Variants in SOX6 observed in about 807,000 individuals in gnomAD.
SOX6 encodes the protein transcription factor SOX-6.
SOX6 carries 11 observed loss-of-function variants against 97.8 expected under a neutral mutation model. The ratio of observed to expected loss-of-function variants is 0.11; its 90% CI spans 0.07 to 0.19. SOX6 has a LOEUF of 0.19. Ranked by LOEUF, SOX6 falls within the 10% of genes least tolerant of loss-of-function variation. SOX6 has a pLI of 1.00. For missense variants in SOX6, 810 were observed against 1,039.5 expected (o/e 0.78, Z 3.04); for synonymous variants, 360 against 371.4 (o/e 0.97, Z 0.35).
At chr11:16,498,176 G>A (rs1025980866) in intron 4 of SOX6, among the ~76,000 whole-genome samples, 4 of 152,188 alleles carry the variant, frequency 2.6e-5, no homozygotes, top group African/African-American at 9.7e-5. Flanking sequence ...CATTCTTGAA[G>A]AAAAGAATTT....
intron 3 of SOX6, among the ~76,000 whole-genome samples, chr11:16,665,726 C>T (rs148845900): frequency 7.6e-4 from 116 of 152,298 alleles, no homozygotes; most frequent in Non-Finnish European, 1.5e-3. Flanking sequence ...TTGCTGCAGG[C>T]CTTGGACAAG....
intron 3 of SOX6, among the ~76,000 whole-genome samples, chr11:16,245,493 A>G (rs1853310321): frequency 6.6e-6 from 1 of 151,696 alleles, no homozygotes; most frequent in African/African-American, 2.4e-5. Context: ...TTTTCTGTCT[A>G]CTTGTTTTAT....
chr11:16,234,059 A>G (rs1852942265), intron 4 of SOX6, among the ~76,000 whole-genome samples: 2 of 151,754 alleles, frequency 1.3e-5, no homozygotes, highest in Non-Finnish European at 2.9e-5. Flanking sequence ...AGAAAACTTC[A>G]GTGGCTTGTC....
rs533468515 is a variant in SOX6 at position 16,621,177 on chromosome 11, T to C, written n.430-8917A>G. Among the ~76,000 whole-genome samples, 4 of 152,316 alleles carry C rather than the reference T, an allele frequency of 2.6e-5. No individual in the cohort carries two copies. The South Asian group carries it at 8.3e-4, about 32-fold the overall frequency. On this transcript the variant is annotated intron_variant and non_coding_transcript_variant, in intron 3 of 5. Coordinates refer to the SOX6 transcript ENST00000524520. Reference sequence around the variant, plus strand: ...TATTTCACAAGCAAAGTTATACATATAACAGTTAACACTTACAGTTACACA... The same window carrying C: ...TATTTCACAAGCAAAGTTATACATACAACAGTTAACACTTACAGTTACACA...
chr11:16,715,122 C>T (rs11024022), intron 2 of SOX6, among the ~76,000 whole-genome samples: 131 of 152,278 alleles, frequency 8.6e-4, no homozygotes, highest in African/African-American at 2.6e-3. Context: ...CACTGTCCAA[C>T]GGGATAGCCA....
At chr11:16,397,897 C>T (rs1221418174) in intron 1 of SOX6, among the ~76,000 whole-genome samples, 1 of 151,530 alleles carries the variant, frequency 6.6e-6, no homozygotes, top group Non-Finnish European at 1.5e-5. Flanking sequence ...TTCTTATATG[C>T]AGATAAACAA....
intron 8 of SOX6, 122 bp from the exon 9 acceptor site, chr11:16,096,240 T>C (rs1848791837): frequency 6.6e-6 from 8 of 1,213,652 alleles, no homozygotes; most frequent in Non-Finnish European, 9.3e-6. Context: ...AAGTAGAAAG[T>C]TTAAGACTCA....
In SOX6 at chr11:15,972,602, A is replaced by G. The variant is rs1030496851; in HGVS notation, c.*207T>C. 4 of 603,612 alleles carry G rather than the reference A, an allele frequency of 6.6e-6. No homozygotes were observed. The African/African-American group carries it at 7.4e-5, about 11-fold the overall frequency. The allele number at this position is 603,612 out of a possible 1,614,324, so 37.4% of individuals were successfully genotyped here. A position where few individuals can be genotyped will look rare whatever the true frequency, so the allele number is the denominator to read the frequency against. On this transcript the variant is annotated 3_prime_UTR_variant, in exon 16 of 16. Transcript: ENST00000683767. ...TGTCTTCACCTAAATTAAAAAAACA[A>G]CAACAACAACAATAACAATAACAAC...
intron 4 of SOX6, among the ~76,000 whole-genome samples, chr11:16,515,009 G>A (rs1440624090): frequency 6.6e-6 from 1 of 151,632 alleles, no homozygotes. Context: ...ATAAACATAC[G>A]TGTGCATGTG....
At chr11:16,352,487 A>C (rs937436291) in intron 1 of SOX6, among the ~76,000 whole-genome samples, 5 of 152,138 alleles carry the variant, frequency 3.3e-5, no homozygotes, top group African/African-American at 1.2e-4. Flanking sequence ...GCCAAGGCAC[A>C]AAACTGTTTA....
At chr11:16,257,443 C>A (rs894783316) in intron 3 of SOX6, among the ~76,000 whole-genome samples, 2 of 151,824 alleles carry the variant, frequency 1.3e-5, no homozygotes, top group African/African-American at 4.8e-5. Context: ...AAAGCAAAGG[C>A]AATCTAAAGG....
intron 3 of SOX6, among the ~76,000 whole-genome samples, chr11:16,653,892 TAA>T (rs1847687574): frequency 6.8e-6 from 1 of 146,238 alleles, no homozygotes; most frequent in Non-Finnish European, 1.5e-5. Context: ...TAACATAATA[TAA>T]TATTTATGTA....
chr11:16,451,717 T>C (rs992984195), intron 1 of SOX6, among the ~76,000 whole-genome samples: 1 of 152,142 alleles, frequency 6.6e-6, no homozygotes, highest in African/African-American at 2.4e-5. Context: ...TTGTGCATCC[T>C]AATCAACTGT....
intron 12 of SOX6, among the ~76,000 whole-genome samples, chr11:16,016,435 T>C (rs1422916028): frequency 2.0e-5 from 3 of 152,042 alleles, no homozygotes. Flanking sequence ...TAATACTCAC[T>C]AGTTTAAATA....
Position 15,968,739 on chromosome 11 carries a change from T to G in SOX6, c.*4070A>C, listed in dbSNP as rs759216093. The G allele has an allele frequency of 6.6e-6, 1 of 152,298 alleles. No individual in the cohort carries two copies. The highest frequency in any genetic ancestry group is 6.5e-5 in the Admixed American group (1 of 15,282). The allele number at this position is 152,298 out of a possible 1,614,324, so 9.4% of individuals were successfully genotyped here. A position where few individuals can be genotyped will look rare whatever the true frequency, so the allele number is the denominator to read the frequency against. ...GGAGGCCAGAATTCGACAAGCTCAA[T>G]AGCACTGTGAGCCCACACCTGAATT... On this transcript the variant is annotated 3_prime_UTR_variant, in exon 16 of 16. Transcript: ENST00000683767.
chr11:16,215,701 T>C (rs890682585), intron 4 of SOX6, among the ~76,000 whole-genome samples: 2 of 152,140 alleles, frequency 1.3e-5, no homozygotes, highest in East Asian at 3.9e-4. Context: ...ACCTGAAAAA[T>C]TTAAATTAAA....
At chr11:16,223,877 G>A (rs1852612915) in intron 4 of SOX6, among the ~76,000 whole-genome samples, 1 of 151,772 alleles carries the variant, frequency 6.6e-6, no homozygotes, top group Non-Finnish European at 1.5e-5. Flanking sequence ...CATAGCAATT[G>A]GAAGAAAAAA....
At position 15,972,893 on chromosome 11, in the gene SOX6, C is replaced by T; in HGVS notation, c.2403G>A (p.Met801Ile). Residue 801 changes from methionine to isoleucine, a missense_variant, in exon 16 of 16, where the codon ATG becomes ATA. Coordinates refer to ENST00000683767, the MANE Select transcript of SOX6 (RefSeq NM_001367873.1). ...GNEMINGEDE[M>I]EMYDDYEDDP... ...CATCTTCATAGTCATCATACATTTC[C>T]ATTTCATCCTCTCCATTGATCATTT... The T allele has an allele frequency of 6.2e-6, 10 of 1,614,168 alleles. 1 individual carries two copies. The South Asian group carries it at 1.1e-4, about 18-fold the overall frequency.
intron 1 of SOX6, among the ~76,000 whole-genome samples, chr11:16,436,229 G>C (rs1859373659): frequency 6.6e-6 from 1 of 152,104 alleles, no homozygotes; most frequent in African/African-American, 2.4e-5. Flanking sequence ...AATAGTGATT[G>C]CTGTTGGTCA....
Sources: allele counts gnomAD v4.1 joint callset (sites outside exome capture counted in the v4.1 genomes callset), GRCh38; gene constraint gnomAD v4.1.1; transcripts MANE v1.5; gene names NCBI Gene and HGNC (gene_info 2026-07-23, HGNC 2026-07-21).